NCKAP5: variants seen among roughly 807,000 people sequenced by gnomAD.
NCKAP5 encodes NCK associated protein 5, also known as nck-associated protein 5.
A neutral mutation model predicts 167.0 loss-of-function variants in NCKAP5; 92 were observed. The ratio of observed to expected loss-of-function variants is 0.55; its 90% CI spans 0.47 to 0.66. The LOEUF is 0.66. NCKAP5 is among the 30% of genes least tolerant of loss of function. The probability of loss-of-function intolerance (pLI) is 0.00; values close to 1 mark genes in which losing one functional copy is unlikely to be tolerated. For synonymous variants in NCKAP5, 891 were observed against 877.4 expected, an observed-to-expected ratio of 1.02 and a Z score of -0.27; for missense variants, 2,378 against 2,315.0, an observed-to-expected ratio of 1.03 and a Z score of -0.56.
At chr2:133,362,274 G>A (rs1269962565) in intron 3 of NCKAP5, among the ~76,000 whole-genome samples, 2 of 152,172 alleles carry the variant, frequency 1.3e-5, no homozygotes, top group Non-Finnish European at 2.9e-5. Flanking sequence ...TGAAGCCCAA[G>A]ACAAGTGAGG....
chr2:132,685,844 A>T (rs969634930), intron 19 of NCKAP5, among the ~76,000 whole-genome samples: 7 of 152,154 alleles, frequency 4.6e-5, no homozygotes, highest in Admixed American at 4.6e-4. Flanking sequence ...GGCAAAAGTC[A>T]ACTCTCCATC....
In NCKAP5 at chr2:133,130,845, TTTGTTG is replaced by T. The variant is rs71398586; in HGVS notation, c.208-740_208-735del. Among the ~76,000 whole-genome samples, 30 of 151,684 alleles carry T rather than the reference TTTGTTG, an allele frequency of 2.0e-4. 1 individual carries two copies. The South Asian group carries it at 4.0e-3, about 20-fold the overall frequency. On this transcript the variant is annotated intron_variant, in intron 5 of 19. Coordinates refer to ENST00000409261, the MANE Select transcript of NCKAP5 (RefSeq NM_207363.3). ...AATGTCTTTGTTGTTTTGTTTTTGTTTTGTTGTTGTTGTTGTTGTTGCCTTTTTTAA... is the reference window on the plus strand; with the variant it reads ...AATGTCTTTGTTGTTTTGTTTTTGTTTTGTTGTTGTTGTTGCCTTTTTTAA...
chr2:133,202,722 G>A (rs183651269), intron 5 of NCKAP5, among the ~76,000 whole-genome samples: 11 of 152,244 alleles, frequency 7.2e-5, no homozygotes, highest in Admixed American at 6.5e-4. Flanking sequence ...ATCAAAAAGT[G>A]AGCAAAGGAG....
intron 8 of NCKAP5, among the ~76,000 whole-genome samples, chr2:132,895,260 G>A (rs1326203197): frequency 6.6e-6 from 1 of 151,438 alleles, no homozygotes; most frequent in Non-Finnish European, 1.5e-5. Flanking sequence ...GAACCCGGGA[G>A]GCGGAGTTTG....
chr2:133,508,341 G>C (rs140058987), intron 3 of NCKAP5, among the ~76,000 whole-genome samples: 5 of 152,124 alleles, frequency 3.3e-5, no homozygotes, highest in Non-Finnish European at 4.4e-5. Flanking sequence ...GGAAGCCCTC[G>C]CTGATCAATG....
chr2:132,728,148 G>A (rs1417369918), intron 18 of NCKAP5, among the ~76,000 whole-genome samples: 1 of 152,128 alleles, frequency 6.6e-6, no homozygotes, highest in Non-Finnish European at 1.5e-5. Flanking sequence ...GACGAGTGGT[G>A]AAATGGCAAA....
chr2:132,968,866 T>C (rs1437175094), intron 7 of NCKAP5, among the ~76,000 whole-genome samples: 2 of 151,780 alleles, frequency 1.3e-5, no homozygotes, highest in African/African-American at 4.8e-5. Context: ...TTTTTCAAGA[T>C]AGAAAAAAAT....
chr2:132,978,770 C>T (rs562617205), intron 7 of NCKAP5, among the ~76,000 whole-genome samples: 60 of 152,298 alleles, frequency 3.9e-4, no homozygotes, highest in Admixed American at 7.2e-4. Context: ...CTCTCTGAAG[C>T]GGTCCTCGTC....
chr2:132,929,417 C>T (rs1477753110), intron 8 of NCKAP5, among the ~76,000 whole-genome samples: 1 of 152,128 alleles, frequency 6.6e-6, no homozygotes, highest in Non-Finnish European at 1.5e-5. Flanking sequence ...ATTGGCTTTG[C>T]TTGATTTGTG....
chr2:133,297,166 AGTGTGTGTGT>A lies in NCKAP5; in HGVS notation c.143+5861_143+5870del, dbSNP rs60321858. Among the ~76,000 whole-genome samples the A allele has an allele frequency of 3.2e-3, 456 of 142,168 alleles. 1 individual carries two copies. Among genetic ancestry groups the A allele is most frequent in the African/African-American group, 0.01 (390 of 38,542 alleles). 93.3% of individuals were successfully genotyped at this position (142,168 alleles called of 152,430 possible). On this transcript the variant is annotated intron_variant, in intron 4 of 19. Coordinates refer to ENST00000409261, the MANE Select transcript of NCKAP5 (RefSeq NM_207363.3). ...CCTGAACTAGTATACAGGTTGTCAC[AGTGTGTGTGT>A]GTGTGTGTGTGTGTGTGTGTGTGTG...
chr2:133,657,839 T>C, the NCKAP5 span, among the ~76,000 whole-genome samples: 7 of 152,186 alleles, frequency 4.6e-5, no homozygotes, highest in African/African-American at 1.4e-4. Flanking sequence ...AGAGCTCAGC[T>C]ATTTGGGGGA....
chr2:133,384,025 T>C (rs1164087139), intron 3 of NCKAP5, among the ~76,000 whole-genome samples: 1 of 152,218 alleles, frequency 6.6e-6, no homozygotes, highest in Admixed American at 6.5e-5. Context: ...ACTCTGATGG[T>C]AGTTTCTTTT....
intron 11 of NCKAP5, among the ~76,000 whole-genome samples, chr2:132,821,505 T>C (rs1315649550): frequency 6.6e-6 from 1 of 152,122 alleles, no homozygotes; most frequent in Non-Finnish European, 1.5e-5. Context: ...CTGAAATTGG[T>C]AGTGGTTTCA....
chr2:133,003,391 T>G (rs1469184551), intron 6 of NCKAP5, among the ~76,000 whole-genome samples: 1 of 152,178 alleles, frequency 6.6e-6, no homozygotes, highest in Non-Finnish European at 1.5e-5. Context: ...AATTTTCAAT[T>G]CCAAGAGCAA....
intron 3 of NCKAP5, among the ~76,000 whole-genome samples, chr2:133,317,365 G>T (rs1370800214): frequency 1.3e-5 from 2 of 152,096 alleles, no homozygotes; most frequent in African/African-American, 4.8e-5. Context: ...TTTAAGTATG[G>T]TATTCCATGG....
At chr2:133,462,270 C>T (rs1202462970) in intron 3 of NCKAP5, among the ~76,000 whole-genome samples, 4 of 152,118 alleles carry the variant, frequency 2.6e-5, no homozygotes, top group Non-Finnish European at 5.9e-5. Flanking sequence ...TCTTTACCTG[C>T]CGGTCACATC....
chr2:133,580,595 T>A, the NCKAP5 span, among the ~76,000 whole-genome samples: 1 of 152,298 alleles, frequency 6.6e-6, no homozygotes, highest in Middle Eastern at 3.4e-3. Flanking sequence ...AGGCTGCCTC[T>A]CAAGGGTTCA....
intron 3 of NCKAP5, among the ~76,000 whole-genome samples, chr2:133,505,935 T>A (rs1156747231): frequency 6.6e-6 from 1 of 152,146 alleles, no homozygotes; most frequent in Non-Finnish European, 1.5e-5. Flanking sequence ...CCAAAACAAT[T>A]CCTTGTTCTT....
intron 16 of NCKAP5, among the ~76,000 whole-genome samples, chr2:132,769,537 C>A (rs1252010124): frequency 6.6e-6 from 1 of 152,096 alleles, no homozygotes; most frequent in Non-Finnish European, 1.5e-5. Flanking sequence ...ATATTCTCAG[C>A]CATTCTTGTG....
Sources: gnomAD v4.1 joint callset for allele counts (sites outside exome capture counted in the v4.1 genomes callset) on GRCh38, gnomAD v4.1.1 for gene constraint, MANE v1.5 for transcripts, NCBI Gene and HGNC (gene_info 2026-07-23, HGNC 2026-07-21) for gene names.